PAQR3: variants seen among roughly 807,000 people sequenced by gnomAD.
The protein encoded by PAQR3 is progestin and adipoQ receptor family member 3.
PAQR3 carries 39 observed loss-of-function variants against 41.7 expected under a neutral mutation model. That is an observed-to-expected ratio of 0.93 (90% confidence interval 0.72 to 1.22). The LOEUF (loss-of-function observed/expected upper bound fraction) is 1.22. Ranked by LOEUF, PAQR3 falls within the 50% of genes most tolerant of loss-of-function variation. The pLI is 0.00. For synonymous variants in PAQR3, 140 were observed against 140.6 expected (o/e 1.00, Z 0.03); for missense variants, 366 against 385.6 (o/e 0.95, Z 0.42).
At chr4:78,920,940 G>A (rs956883929) in intron 5 of PAQR3, among the ~76,000 whole-genome samples, 1 of 151,792 alleles carries the variant, frequency 6.6e-6, no homozygotes, top group African/African-American at 2.4e-5. Context: ...CTTAATTTCA[G>A]GAATTTGACC....
In PAQR3 at chr4:78,914,215, T is replaced by TTAG. The variant is rs1734852910; in HGVS notation, c.*6323_*6324insCTA. Reference sequence around the variant, plus strand: ...GTCTCCTTCAGATGTAAACATGAAATACCTAGAGTTTTACTTGCTTTTCAA... The same window carrying TTAG: ...GTCTCCTTCAGATGTAAACATGAAATTAGACCTAGAGTTTTACTTGCTTTTCAA... On this transcript the variant is annotated 3_prime_UTR_variant, in exon 6 of 6. Coordinates refer to ENST00000512733, the MANE Select transcript of PAQR3 (RefSeq NM_001040202.2). 6.6e-6 allele frequency: 1 copy of TTAG among 152,084 alleles called. No individual in the cohort carries two copies. 9.4% of individuals were successfully genotyped at this position (152,084 alleles called of 1,614,324 possible). A position where few individuals can be genotyped will look rare whatever the true frequency, so the allele number is the denominator to read the frequency against.
Position 78,918,497 on chromosome 4 carries a change from T to C in PAQR3, c.*2042A>G, listed in dbSNP as rs1170603600. On this transcript the variant is annotated 3_prime_UTR_variant, in exon 6 of 6. Coordinates refer to ENST00000512733, the MANE Select transcript of PAQR3 (RefSeq NM_001040202.2). ...AGCAGTGAAAAAATGAGAGGATAAC[T>C]TTCTTACAATATTTAACATTTTCAT... 1.0e-6 allele frequency: 1 copy of C among 962,582 alleles called. No individual in the cohort carries two copies. The highest frequency in any genetic ancestry group is 5.4e-4 in the Middle Eastern group (1 of 1,864). 59.6% of individuals were successfully genotyped at this position (962,582 alleles called of 1,614,324 possible).
chr4:78,909,332 A>T (rs571443057), downstream of PAQR3, among the ~76,000 whole-genome samples: 1 of 149,968 alleles, frequency 6.7e-6, no homozygotes, highest in Non-Finnish European at 1.5e-5. Flanking sequence ...CACCGCACCC[A>T]GCCCCCTTAG....
chr4:78,922,492 A>C, intron 5 of PAQR3: 1 of 1,200,922 alleles, frequency 8.3e-7, no homozygotes. Context: ...ATAGCTCTCC[A>C]AACTGAAAAA....
Position 78,915,753 on chromosome 4 carries a change from C to T in PAQR3, c.*4786G>A, listed in dbSNP as rs1467254332. ...CACTCCTAGTGAGGGTTTACAAAAGCTACTAAGAGAATAAGGTAGATGATA... is the reference window on the plus strand; with the variant it reads ...CACTCCTAGTGAGGGTTTACAAAAGTTACTAAGAGAATAAGGTAGATGATA... On this transcript the variant is annotated 3_prime_UTR_variant, in exon 6 of 6. Coordinates refer to ENST00000512733, the MANE Select transcript of PAQR3 (RefSeq NM_001040202.2). 1 of 152,002 alleles carries T rather than the reference C, an allele frequency of 6.6e-6. No homozygotes were observed. The highest frequency in any genetic ancestry group is 2.4e-5 in the African/African-American group (1 of 41,516). The allele number at this position is 152,002 out of a possible 1,614,324, so 9.4% of individuals were successfully genotyped here. A position where few individuals can be genotyped will look rare whatever the true frequency, so the allele number is the denominator to read the frequency against.
At chr4:78,931,079 G>A (rs1406040514) in intron 2 of PAQR3, among the ~76,000 whole-genome samples, 3 of 150,846 alleles carry the variant, frequency 2.0e-5, no homozygotes, top group Non-Finnish European at 4.4e-5. Context: ...TGGTGTAGTA[G>A]TGGCTCATGC....
At chr4:78,905,899 A>C (rs950956016) in intron 11 of PAQR3, among the ~76,000 whole-genome samples, 5 of 152,058 alleles carry the variant, frequency 3.3e-5, no homozygotes, top group Non-Finnish European at 7.4e-5. Flanking sequence ...GTCACATTCT[A>C]AAGTGCTGTG....
intron 11 of PAQR3, among the ~76,000 whole-genome samples, chr4:78,891,873 T>TA (rs776867726): frequency 1.1e-4 from 16 of 152,172 alleles, no homozygotes; most frequent in Non-Finnish European, 1.9e-4. Context: ...TTTAGTTTGA[T>TA]ACAGATTACT....
rs528434108 is a variant in PAQR3 at position 78,921,914 on chromosome 4, C to T, written c.794-1233G>A. ...CTGCTACATAGGGCACATTTTATGT[C>T]AAGTGTGTCTTGGGGAAGGTTAAGT... On this transcript the variant is annotated intron_variant, in intron 5 of 5. Coordinates refer to ENST00000512733, the MANE Select transcript of PAQR3 (RefSeq NM_001040202.2). 2.0e-5 allele frequency: 20 copies of T among 985,034 alleles called. No homozygotes were observed. The South Asian group carries it at 8.5e-4, about 42-fold the overall frequency. The allele number at this position is 985,034 out of a possible 1,614,324, so 61.0% of individuals were successfully genotyped here.
chr4:78,938,830 T>G (rs528031491), intron 1 of PAQR3, among the ~76,000 whole-genome samples: 1 of 152,016 alleles, frequency 6.6e-6, no homozygotes, highest in African/African-American at 2.4e-5. Context: ...TTATGATCAC[T>G]GTTACTATCA....
intron 11 of PAQR3, among the ~76,000 whole-genome samples, chr4:78,893,891 C>T (rs1339275590): frequency 6.6e-6 from 1 of 152,198 alleles, no homozygotes; most frequent in Non-Finnish European, 1.5e-5. Flanking sequence ...ACAATTACTG[C>T]TTGATCCATG....
intron 5 of PAQR3, chr4:78,922,408 C>A: frequency 1.6e-6 from 2 of 1,288,880 alleles, no homozygotes; most frequent in Non-Finnish European, 2.0e-6. Context: ...CTCTGATTCA[C>A]CGTGGAAGTG....
chr4:78,901,154 C>G (rs1322467460), intron 11 of PAQR3, among the ~76,000 whole-genome samples: 1 of 152,084 alleles, frequency 6.6e-6, no homozygotes, highest in Non-Finnish European at 1.5e-5. Context: ...AGCAATCCTA[C>G]TCTCTCAGCC....
downstream of PAQR3, among the ~76,000 whole-genome samples, chr4:78,910,109 G>C (rs187014321): frequency 3.9e-4 from 59 of 152,250 alleles, no homozygotes; most frequent in African/African-American, 1.4e-3. Context: ...TCAAAAGATA[G>C]TGGTTTATAA....
chr4:78,918,690 T>A lies in PAQR3; in HGVS notation c.*1849A>T, dbSNP rs1735340629. 1.0e-6 allele frequency: 1 copy of A among 961,402 alleles called. No homozygotes were observed. Among genetic ancestry groups the A allele is most frequent in the Non-Finnish European group, 1.2e-6 (1 of 808,080 alleles). The allele number at this position is 961,402 out of a possible 1,614,324, so 59.6% of individuals were successfully genotyped here. On this transcript the variant is annotated 3_prime_UTR_variant, in exon 6 of 6. Transcript: ENST00000512733. ...AATACAGGGACTGCAAAAATTGAAA[T>A]GATTCAATGTTTTTTTATTTTGAGA...
chr4:78,903,161 T>TTTGATATGATAA (rs1734105166), intron 11 of PAQR3, among the ~76,000 whole-genome samples: 1 of 151,914 alleles, frequency 6.6e-6, no homozygotes, highest in Non-Finnish European at 1.5e-5. Context: ...TTTTAACACC[T>TTTGATATGATAA]TCATAAAAGG....
intron 3 of PAQR3, 137 bp downstream of exon 3, chr4:78,930,033 A>G: frequency 1.4e-6 from 1 of 718,480 alleles, no homozygotes; most frequent in Non-Finnish European, 2.1e-6. Flanking sequence ...TCTGAAAAAT[A>G]AGTTTATGCT....
At chr4:78,893,309 T>G (rs1733538544) in intron 11 of PAQR3, among the ~76,000 whole-genome samples, 1 of 152,230 alleles carries the variant, frequency 6.6e-6, no homozygotes, top group Admixed American at 6.5e-5. Flanking sequence ...CTATTTCTAG[T>G]TCTCTTGCTC....
At position 78,917,914 on chromosome 4, in the gene PAQR3, AAAG is replaced by A; in HGVS notation, c.*2622_*2624del. 1.0e-6 allele frequency: 1 copy of A among 984,106 alleles called. No individual in the cohort carries two copies. Among genetic ancestry groups the A allele is most frequent in the Non-Finnish European group, 1.2e-6 (1 of 828,396 alleles). 61.0% of individuals were successfully genotyped at this position (984,106 alleles called of 1,614,324 possible). The stretch of plus-strand genomic sequence containing the variant: ...TGATTTTAAAGCTGTTATGTATTAC[AAAG>A]AATGACAAGCAGCAGTTAAAAATAT... On this transcript the variant is annotated 3_prime_UTR_variant, in exon 6 of 6. Coordinates refer to ENST00000512733, the MANE Select transcript of PAQR3 (RefSeq NM_001040202.2).
Sources: gnomAD v4.1 joint callset for allele counts (sites outside exome capture counted in the v4.1 genomes callset) on GRCh38, gnomAD v4.1.1 for gene constraint, MANE v1.5 for transcripts, NCBI Gene and HGNC (gene_info 2026-07-23, HGNC 2026-07-21) for gene names.